Variants in TRABD2B observed in about 807,000 individuals in gnomAD.
TRABD2B encodes the protein TraB domain containing 2B.
A neutral mutation model predicts 40.1 loss-of-function variants in TRABD2B; 14 were observed. The ratio of observed to expected loss-of-function variants is 0.35; its 90% CI spans 0.23 to 0.55. The LOEUF (loss-of-function observed/expected upper bound fraction) is 0.55, where lower values mean the gene tolerates loss of function less well. Among genes scored for constraint, TRABD2B ranks in the 20% least tolerant of loss-of-function variants. The pLI is 0.90. For synonymous variants in TRABD2B, 263 were observed against 277.0 expected (o/e 0.95, Z 0.50); for missense variants, 541 against 648.6 (o/e 0.83, Z 1.80).
At chr1:47,975,000 T>C (rs1233434029) in intron 2 of TRABD2B, among the ~76,000 whole-genome samples, 1 of 152,108 alleles carries the variant, frequency 6.6e-6, no homozygotes, top group East Asian at 1.9e-4. Flanking sequence ...ACTGTCAAGG[T>C]CATCGAAAAC....
At chr1:47,941,565 T>A (rs546917103) in intron 2 of TRABD2B, among the ~76,000 whole-genome samples, 1 of 152,366 alleles carries the variant, frequency 6.6e-6, no homozygotes, top group East Asian at 1.9e-4. Context: ...CCTAGCTATG[T>A]GAACCTGGCT....
intron 4 of TRABD2B, 58 bp from the exon 5 acceptor site, chr1:47,778,602 AC>A: frequency 1.5e-6 from 2 of 1,306,140 alleles, no homozygotes; most frequent in Non-Finnish European, 2.1e-6. Flanking sequence ...GCCACAGGGG[AC>A]TGCCCCAGGC....
chr1:47,864,110 T>C (rs1198938114), intron 2 of TRABD2B, among the ~76,000 whole-genome samples: 1 of 151,802 alleles, frequency 6.6e-6, no homozygotes, highest in Non-Finnish European at 1.5e-5. Context: ...AGGGAGGAAT[T>C]AATAGGTGGA....
chr1:47,838,626 C>T (rs1224852765), intron 2 of TRABD2B, among the ~76,000 whole-genome samples: 1 of 152,262 alleles, frequency 6.6e-6, no homozygotes, highest in Non-Finnish European at 1.5e-5. Context: ...AAGTCATCCA[C>T]TGAAGAAGAC....
At position 47,813,760 on chromosome 1, in the gene TRABD2B, G is replaced by A. The variant is rs1644995435; in HGVS notation, c.667-12141C>T. Among the ~76,000 whole-genome samples the A allele has an allele frequency of 6.6e-6, 1 of 152,186 alleles. No individual in the cohort carries two copies. The highest frequency in any genetic ancestry group is 6.5e-5 in the Admixed American group (1 of 15,284). On this transcript the variant is annotated intron_variant, in intron 2 of 6. Transcript: ENST00000606738. The surrounding 1 kb of genome is among the most constrained non-coding windows in gnomAD (Gnocchi z 4.3). Reference sequence around the variant, plus strand: ...GCACCGGGGTGGGTCCCAGTTGCAGGAGGTGTTCTGAAGAGAGGCTGGAAT... The same window carrying A: ...GCACCGGGGTGGGTCCCAGTTGCAGAAGGTGTTCTGAAGAGAGGCTGGAAT...
chr1:47,815,070 C>T (rs2124373464), intron 2 of TRABD2B, among the ~76,000 whole-genome samples: 1 of 152,326 alleles, frequency 6.6e-6, no homozygotes, highest in Non-Finnish European at 1.5e-5. Flanking sequence ...AAGGCAAGAA[C>T]AAGGGATCGG....
chr1:47,958,566 G>A (rs1184394089), intron 2 of TRABD2B, among the ~76,000 whole-genome samples: 3 of 144,488 alleles, frequency 2.1e-5, no homozygotes, highest in African/African-American at 7.6e-5. Context: ...CAATCCTAGT[G>A]TCTGATAAAA....
At chr1:47,891,257 A>G (rs1430124847) in intron 2 of TRABD2B, among the ~76,000 whole-genome samples, 1 of 152,230 alleles carries the variant, frequency 6.6e-6, no homozygotes, top group Non-Finnish European at 1.5e-5. Flanking sequence ...CAGCTGTCAT[A>G]GAGCTTACAT....
intron 2 of TRABD2B, among the ~76,000 whole-genome samples, chr1:47,947,327 G>A (rs1305407645): frequency 6.6e-6 from 1 of 152,158 alleles, no homozygotes; most frequent in African/African-American, 2.4e-5. Context: ...TTAACAGCAA[G>A]GAAATTAAGA....
At chr1:47,842,079 A>G (rs1225251030) in intron 2 of TRABD2B, among the ~76,000 whole-genome samples, 2 of 152,180 alleles carry the variant, frequency 1.3e-5, no homozygotes, top group South Asian at 4.1e-4. Context: ...GCCGAAACCA[A>G]CCTTCTCCTT....
intron 2 of TRABD2B, among the ~76,000 whole-genome samples, chr1:47,933,546 G>A (rs1013787766): frequency 1.3e-5 from 2 of 152,104 alleles, no homozygotes; most frequent in African/African-American, 4.8e-5. Flanking sequence ...CCTCTCTGCC[G>A]TGCTACCTAG....
rs1644235937 is a variant in TRABD2B at position 47,760,791 on chromosome 1, C to T, written c.*5111G>A. On this transcript the variant is annotated 3_prime_UTR_variant, in exon 7 of 7. Transcript: ENST00000606738. ...AGAATGGGGCAGGGGCTCTGGCTTCCTCTGTTCTGGGCTAGAGCCTCCTTT... is the reference window on the plus strand; with the variant it reads ...AGAATGGGGCAGGGGCTCTGGCTTCTTCTGTTCTGGGCTAGAGCCTCCTTT... 6.6e-6 allele frequency: 1 copy of T among 152,210 alleles called. No homozygotes were observed. The highest frequency in any genetic ancestry group is 2.4e-5 in the African/African-American group (1 of 41,458). 9.4% of individuals were successfully genotyped at this position (152,210 alleles called of 1,614,324 possible).
chr1:47,889,665 T>G (rs957854016), intron 2 of TRABD2B, among the ~76,000 whole-genome samples: 1 of 152,160 alleles, frequency 6.6e-6, no homozygotes, highest in African/African-American at 2.4e-5. Context: ...GACCAAAGGA[T>G]TCAGTGGAAG....
At chr1:47,769,524 G>A (rs1644351805) in intron 6 of TRABD2B, among the ~76,000 whole-genome samples, 2 of 152,210 alleles carry the variant, frequency 1.3e-5, no homozygotes, top group African/African-American at 4.8e-5. Flanking sequence ...GGGGGGTGTG[G>A]AGGACAAGCC....
At chr1:47,797,786 C>A (rs1337450846) in intron 3 of TRABD2B, among the ~76,000 whole-genome samples, 2 of 152,060 alleles carry the variant, frequency 1.3e-5, no homozygotes, top group South Asian at 2.1e-4. Flanking sequence ...GGCCTTAAAT[C>A]TTCTATGACA....
intron 2 of TRABD2B, among the ~76,000 whole-genome samples, chr1:47,974,060 C>G (rs1479515892): frequency 6.6e-6 from 1 of 152,164 alleles, no homozygotes; most frequent in African/African-American, 2.4e-5. Flanking sequence ...GCCATGATCA[C>G]ACCACACCAC....
intron 2 of TRABD2B, 49 bp downstream of exon 2, chr1:47,993,985 C>A: frequency 6.7e-7 from 1 of 1,482,858 alleles, no homozygotes; most frequent in Non-Finnish European, 9.0e-7. Context: ...GAGAAGAGGA[C>A]CCAGGTACCC....
At chr1:47,823,614 A>C (rs1645138801) in intron 2 of TRABD2B, among the ~76,000 whole-genome samples, 1 of 152,190 alleles carries the variant, frequency 6.6e-6, no homozygotes, top group Non-Finnish European at 1.5e-5. Context: ...AGGTGCAGAC[A>C]AATGGGGAGG....
intron 4 of TRABD2B, among the ~76,000 whole-genome samples, chr1:47,792,642 A>G (rs1291616450): frequency 6.6e-6 from 1 of 152,044 alleles, no homozygotes. Flanking sequence ...CAGGAAAAGG[A>G]GGTTAGTGTC....
Sources: allele counts gnomAD v4.1 joint callset (sites outside exome capture counted in the v4.1 genomes callset), GRCh38; gene constraint gnomAD v4.1.1; non-coding constraint Gnocchi (gnomAD v3.1); transcripts MANE v1.5; gene names NCBI Gene and HGNC (gene_info 2026-07-23, HGNC 2026-07-21).